Variants in DGKG observed in about 807,000 individuals in gnomAD.
DGKG encodes the protein DAG kinase gamma.
Under a neutral mutation model 105.3 loss-of-function variants are expected in DGKG, and 78 were observed. That is an observed-to-expected ratio of 0.74 (90% CI 0.62 to 0.89). The LOEUF is 0.89. Among genes scored for constraint, DGKG ranks in the 40% least tolerant of loss-of-function variants. DGKG has a pLI of 0.00. For synonymous variants in DGKG, 346 were observed against 367.1 expected (o/e 0.94, Z 0.66); for missense variants, 958 against 1,020.1 (o/e 0.94, Z 0.83).
intron 12 of DGKG, 142 bp from the exon 13 acceptor site, chr3:186,267,919 T>C (rs920117407): frequency 1.8e-6 from 1 of 549,644 alleles, no homozygotes; most frequent in Non-Finnish European, 3.3e-6. Context: ...AGTATTGCCG[T>C]GTGTGTGTGT....
chr3:186,315,772 G>A (rs1724789677), intron 2 of DGKG, among the ~76,000 whole-genome samples: 1 of 152,180 alleles, frequency 6.6e-6, no homozygotes, highest in Non-Finnish European at 1.5e-5. Context: ...TTCCAAAGAT[G>A]GCTGCCATAA....
In DGKG at chr3:186,272,395, G is replaced by A. The variant is rs1452864592; in HGVS notation, c.911-52C>T. On this transcript the variant is annotated intron_variant, in intron 10 of 24. Transcript: ENST00000265022. ...TGCTTGTGAATAGCCACGTAGGAAA[G>A]GCCCAGCTGCCCTCCCACCCTAGCC... 8 of 1,367,180 alleles carry A rather than the reference G, an allele frequency of 5.9e-6. No homozygotes were observed. The African/African-American group carries it at 1.2e-4, about 20-fold the overall frequency. The allele number at this position is 1,367,180 out of a possible 1,614,324, so 84.7% of individuals were successfully genotyped here.
chr3:186,269,727 G>T (rs905060297), intron 11 of DGKG, among the ~76,000 whole-genome samples: 1 of 152,224 alleles, frequency 6.6e-6, no homozygotes, highest in African/African-American at 2.4e-5. Flanking sequence ...AAAGTCCAAA[G>T]AAGTTAGTGA....
At chr3:186,317,031 C>T (rs993137970) in intron 2 of DGKG, among the ~76,000 whole-genome samples, 1 of 152,202 alleles carries the variant, frequency 6.6e-6, no homozygotes, top group African/African-American at 2.4e-5. Context: ...ATGGACAACA[C>T]GAGCAAGGGT....
At chr3:186,230,647 C>T (rs1418073406) in intron 20 of DGKG, among the ~76,000 whole-genome samples, 1 of 152,044 alleles carries the variant, frequency 6.6e-6, no homozygotes, top group African/African-American at 2.4e-5. Flanking sequence ...ATGGGCAGCT[C>T]CAGGCAGGGT....
At chr3:186,354,938 C>T (rs1363385654) in intron 1 of DGKG, among the ~76,000 whole-genome samples, 1 of 152,082 alleles carries the variant, frequency 6.6e-6, no homozygotes, top group East Asian at 1.9e-4. Flanking sequence ...GTTCTCTTGG[C>T]TCCTTCTCTG....
chr3:186,259,944 CA>C (rs931079380), intron 16 of DGKG, among the ~76,000 whole-genome samples: 1 of 152,172 alleles, frequency 6.6e-6, no homozygotes, highest in African/African-American at 2.4e-5. Context: ...ATTTAGAAAA[CA>C]AAAGTGATTC....
chr3:186,195,860 A>T (rs1718153162), intron 21 of DGKG, among the ~76,000 whole-genome samples: 1 of 152,172 alleles, frequency 6.6e-6, no homozygotes, highest in Non-Finnish European at 1.5e-5. Context: ...AGATTACTTT[A>T]TTAGTGGGGC....
At position 186,155,653 on chromosome 3, in the gene DGKG, C is replaced by A. The variant is rs529382270; in HGVS notation, c.2278-5465G>T. ...GAATAAATTCCTAGAAGTATATGAA[C>A]AATTTTTAAAAGTGAAAGTAAATGA... On this transcript the variant is annotated intron_variant, in intron 24 of 24. Coordinates refer to ENST00000265022, the MANE Select transcript of DGKG (RefSeq NM_001346.3). Among the ~76,000 whole-genome samples, 3 of 152,240 alleles carry A rather than the reference C, an allele frequency of 2.0e-5. No individual in the cohort carries two copies. In the South Asian group the frequency reaches 6.2e-4, roughly 32 times the overall value.
intron 22 of DGKG, among the ~76,000 whole-genome samples, chr3:186,166,626 AATGT>A (rs1716558983): frequency 1.3e-5 from 1 of 79,784 alleles, no homozygotes; most frequent in East Asian, 6.2e-4. Flanking sequence ...ATGGGCTATA[AATGT>A]GTGTGTGTGT....
intron 20 of DGKG, among the ~76,000 whole-genome samples, chr3:186,234,189 C>G (rs937495898): frequency 5.3e-5 from 8 of 152,198 alleles, no homozygotes; most frequent in African/African-American, 1.7e-4. Context: ...ATACGAAAAG[C>G]CTTTTAAATA....
At chr3:186,341,284 T>C (rs1726073558) in intron 1 of DGKG, among the ~76,000 whole-genome samples, 1 of 152,230 alleles carries the variant, frequency 6.6e-6, no homozygotes, top group Non-Finnish European at 1.5e-5. Flanking sequence ...TGTCTGGTCA[T>C]GAAGGACTTG....
At chr3:186,251,609 G>T in intron 19 of DGKG, 150 bp downstream of exon 19, 1 of 785,988 alleles carries the variant, frequency 1.3e-6, no homozygotes, top group South Asian at 1.7e-5. Context: ...TCCACACTCA[G>T]GCCAAGTTTC....
At chr3:186,353,682 CTATATCTATATCTATATCTA>C (rs1285914914) in intron 1 of DGKG, among the ~76,000 whole-genome samples, 1 of 142,454 alleles carries the variant, frequency 7.0e-6, no homozygotes, top group African/African-American at 2.7e-5. Context: ...ATATCTATAT[CTATATCTATATCTATATCTA>C]TATAACAGTG....
intron 20 of DGKG, among the ~76,000 whole-genome samples, chr3:186,236,166 C>T (rs578191957): frequency 6.6e-6 from 1 of 152,280 alleles, no homozygotes; most frequent in African/African-American, 2.4e-5. Flanking sequence ...ATATTCCCAC[C>T]CCCAGGAGAA....
intron 17 of DGKG, 76 bp from the exon 18 acceptor site, chr3:186,253,258 A>T: frequency 8.3e-7 from 1 of 1,206,604 alleles, no homozygotes. Flanking sequence ...TTTATCCCTG[A>T]TCTGATGCTT....
chr3:186,276,880 T>C (rs1259965292), intron 9 of DGKG, among the ~76,000 whole-genome samples: 3 of 152,234 alleles, frequency 2.0e-5, no homozygotes, highest in Non-Finnish European at 4.4e-5. Context: ...TAATTCTTAC[T>C]TCTGGGGTGC....
intron 5 of DGKG, among the ~76,000 whole-genome samples, chr3:186,295,981 C>A (rs1185702714): frequency 6.6e-6 from 1 of 152,092 alleles, no homozygotes; most frequent in Non-Finnish European, 1.5e-5. Flanking sequence ...TGGCAGCACA[C>A]TCTTGTAATC....
intron 2 of DGKG, among the ~76,000 whole-genome samples, chr3:186,316,551 GTACTT>G (rs1724828873): frequency 6.6e-6 from 1 of 152,108 alleles, no homozygotes; most frequent in Non-Finnish European, 1.5e-5. Context: ...CTTTTGATAA[GTACTT>G]TACATTGTAG....
Sources: gnomAD v4.1 joint callset for allele counts (sites outside exome capture counted in the v4.1 genomes callset) on GRCh38, gnomAD v4.1.1 for gene constraint, MANE v1.5 for transcripts, NCBI Gene and HGNC (gene_info 2026-07-23, HGNC 2026-07-21) for gene names.